C4orf50: variants seen among roughly 807,000 people sequenced by gnomAD.
C4orf50 encodes the protein chromosome 4 open reading frame 50.
C4orf50 carries 80 observed loss-of-function variants against 77.2 expected under a neutral mutation model. The observed-to-expected ratio is 1.04, with a 90% CI of 0.87 to 1.25. C4orf50 has a LOEUF of 1.25. Ranked by LOEUF, C4orf50 falls within the 50% of genes most tolerant of loss-of-function variation. The pLI is 0.00. For missense variants in C4orf50, 1,257 were observed against 1,152.9 expected, an observed-to-expected ratio of 1.09 and a Z score of -1.31; for synonymous variants, 532 against 465.3, an observed-to-expected ratio of 1.14 and a Z score of -1.84.
exon 34 of C4orf50, chr4:5,959,017 C>T (rs1577932226): frequency 4.4e-6 from 1 of 225,406 alleles, no homozygotes; most frequent in East Asian, 1.0e-4. Context: ...ATGCCAGTAG[C>T]AGTGTCCCAG....
Position 5,919,828 on chromosome 4 carries a change from T to C in C4orf50, c.*2475-21640A>G, listed in dbSNP as rs536817551. Among the ~76,000 whole-genome samples the C allele has an allele frequency of 3.9e-5, 6 of 152,284 alleles. No homozygotes were observed. Among genetic ancestry groups the C allele is most frequent in the African/African-American group, 1.4e-4 (6 of 41,568 alleles). ...GAAGACGCTTCACCAGAATCAACTC[T>C]GAAATAGGGGTTTCTTCGGGCACAG... On this transcript the variant is annotated intron_variant, in intron 7 of 7. Transcript: ENST00000324058. This position sits in a 1 kb window ranked among gnomAD's most constrained non-coding sequence, Gnocchi z 6.5.
intron 7 of C4orf50, among the ~76,000 whole-genome samples, chr4:5,924,045 C>A (rs1717403313): frequency 6.6e-6 from 1 of 152,166 alleles, no homozygotes; most frequent in Non-Finnish European, 1.5e-5. Context: ...ACTCTGGGAC[C>A]TACACCAGTG....
intron 7 of C4orf50, among the ~76,000 whole-genome samples, chr4:5,946,854 A>G (rs1273685721): frequency 1.3e-5 from 2 of 152,270 alleles, no homozygotes; most frequent in Non-Finnish European, 2.9e-5. Context: ...CTTTCTGCAG[A>G]AAGTAAAGAT....
chr4:5,997,962 T>TA (rs1721670126), intron 25 of C4orf50, among the ~76,000 whole-genome samples: 1 of 152,226 alleles, frequency 6.6e-6, no homozygotes, highest in Non-Finnish European at 1.5e-5. Context: ...GTTGGGTTGT[T>TA]ACGAATTTTT....
chr4:6,013,484 G>A (rs1401838277), intron 23 of C4orf50, among the ~76,000 whole-genome samples: 4 of 152,176 alleles, frequency 2.6e-5, no homozygotes, highest in East Asian at 1.9e-4. Context: ...TTTCACTTTG[G>A]CAGGGTGAAT....
intron 7 of C4orf50, among the ~76,000 whole-genome samples, chr4:5,944,023 G>T (rs919170250): frequency 6.6e-6 from 1 of 152,138 alleles, no homozygotes; most frequent in Non-Finnish European, 1.5e-5. Flanking sequence ...TCTTTGGGAG[G>T]CCTCTGGCAG....
chr4:5,912,821 T>C (rs1357323574), intron 7 of C4orf50, among the ~76,000 whole-genome samples: 6 of 152,184 alleles, frequency 3.9e-5, no homozygotes, highest in Non-Finnish European at 7.4e-5. Context: ...TTTAAAATTG[T>C]TGCATGCTCT....
At chr4:5,987,774 C>T (rs909021688) in intron 28 of C4orf50, among the ~76,000 whole-genome samples, 7 of 152,068 alleles carry the variant, frequency 4.6e-5, no homozygotes, top group African/African-American at 1.2e-4. Flanking sequence ...TGAAGGCCAC[C>T]GTAGGAACAT....
At chr4:6,004,380 G>T (rs1577992924) in intron 25 of C4orf50, among the ~76,000 whole-genome samples, 2 of 120,158 alleles carry the variant, frequency 1.7e-5, no homozygotes, top group African/African-American at 2.9e-5. Flanking sequence ...TGATGGTGAT[G>T]ATGGTGATGG....
At chr4:5,949,049 G>T (rs985123773) in intron 7 of C4orf50, among the ~76,000 whole-genome samples, 3 of 151,506 alleles carry the variant, frequency 2.0e-5, no homozygotes, top group Non-Finnish European at 2.9e-5. Flanking sequence ...AAGGAGTTTT[G>T]AAAATAAAAC....
chr4:6,003,675 T>C (rs1468078380), intron 25 of C4orf50, among the ~76,000 whole-genome samples: 2 of 139,000 alleles, frequency 1.4e-5, no homozygotes, highest in African/African-American at 2.7e-5. Context: ...GTGATGGTGA[T>C]GATAGTGATG....
At chr4:5,990,442 G>A in exon 28 of C4orf50, 1 of 403,416 alleles carries the variant, frequency 2.5e-6, no homozygotes, top group Middle Eastern at 6.3e-4. Flanking sequence ...TTTCAGAAAT[G>A]GGTGATTTGA....
At chr4:5,943,972 G>C (rs1216407105) in intron 7 of C4orf50, among the ~76,000 whole-genome samples, 2 of 152,204 alleles carry the variant, frequency 1.3e-5, no homozygotes, top group African/African-American at 2.4e-5. Context: ...AGCAGTCCTT[G>C]CTTACCTGTC....
intron 7 of C4orf50, among the ~76,000 whole-genome samples, chr4:5,917,720 T>C (rs1284430385): frequency 2.6e-5 from 4 of 152,150 alleles, no homozygotes; most frequent in African/African-American, 4.8e-5. Flanking sequence ...GTATTTCTAC[T>C]GAAAGCTATA....
chr4:5,978,977 G>GC, intron 29 of C4orf50, among the ~76,000 whole-genome samples: 2 of 152,302 alleles, frequency 1.3e-5, no homozygotes, highest in South Asian at 4.1e-4. Context: ...TGGGAGAAGA[G>GC]CTGGAAATTA....
intron 7 of C4orf50, among the ~76,000 whole-genome samples, chr4:5,929,272 G>A (rs1717654992): frequency 6.6e-6 from 1 of 152,180 alleles, no homozygotes; most frequent in Admixed American, 6.5e-5. Flanking sequence ...TCAAAGGTGT[G>A]AATATTTTTC....
At chr4:5,984,931 C>G (rs970072971) in intron 28 of C4orf50, among the ~76,000 whole-genome samples, 3 of 150,880 alleles carry the variant, frequency 2.0e-5, no homozygotes, top group South Asian at 2.1e-4. Context: ...TATAGTGAAG[C>G]TGCCAAAACT....
chr4:6,011,396 G>A lies in C4orf50; in HGVS notation c.426+434C>T, dbSNP rs996455546. The stretch of plus-strand genomic sequence containing the variant: ...TTCCCAACAAGGCCCAGCTCACATG[G>A]CCTCAGCTCTCTGTAGCTCTCCTCA... On this transcript the variant is annotated intron_variant, in intron 24 of 33. Coordinates refer to ENST00000531445, the Ensembl canonical transcript of C4orf50. The surrounding 1 kb of genome is among the most constrained non-coding windows in gnomAD (Gnocchi z 4.2). 6.6e-6 allele frequency among the ~76,000 whole-genome samples: 1 copy of A among 152,006 alleles called. No homozygotes were observed. The highest frequency in any genetic ancestry group is 1.5e-5 in the Non-Finnish European group (1 of 67,974).
chr4:6,014,115 G>A (rs568463841), intron 23 of C4orf50, among the ~76,000 whole-genome samples: 4 of 151,620 alleles, frequency 2.6e-5, no homozygotes, highest in South Asian at 4.2e-4. Context: ...CGATTCTCCT[G>A]CCTCAGCCTC....
Sources: gnomAD v4.1 joint callset for allele counts (sites outside exome capture counted in the v4.1 genomes callset) on GRCh38, gnomAD v4.1.1 for gene constraint, Gnocchi (gnomAD v3.1) non-coding constraint, MANE v1.5 for transcripts, NCBI Gene and HGNC (gene_info 2026-07-23, HGNC 2026-07-21) for gene names.